Variants in RBFOX1 observed in about 807,000 individuals in gnomAD.
The protein encoded by RBFOX1 is RNA binding protein fox-1 homolog 1.
Under a neutral mutation model 57.7 loss-of-function variants are expected in RBFOX1, and 8 were observed. The ratio of observed to expected loss-of-function variants is 0.14; its 90% CI spans 0.08 to 0.25. The LOEUF is 0.25. Ranked by LOEUF, RBFOX1 falls within the 10% of genes least tolerant of loss-of-function variation. The pLI, the probability that RBFOX1 is intolerant of heterozygous loss-of-function variation, is 1.00. For synonymous variants in RBFOX1, 326 were observed against 222.4 expected (o/e 1.47, Z -4.15); for missense variants, 611 against 548.5 (o/e 1.11, Z -1.14).
chr16:6,290,870 G>A (rs1203955391), intron 1 of RBFOX1, among the ~76,000 whole-genome samples: 1 of 152,144 alleles, frequency 6.6e-6, no homozygotes, highest in East Asian at 1.9e-4. Context: ...AAAGAATTCA[G>A]GGTGAGTCTA....
intron 1 of RBFOX1, among the ~76,000 whole-genome samples, chr16:6,194,958 T>G (rs953962133): frequency 1.3e-5 from 2 of 152,326 alleles, no homozygotes; most frequent in Non-Finnish European, 2.9e-5. Context: ...CCAACCCTAT[T>G]TAACTTACTC....
intron 3 of RBFOX1, among the ~76,000 whole-genome samples, chr16:6,908,448 G>A (rs1163245713): frequency 6.6e-6 from 1 of 152,068 alleles, no homozygotes; most frequent in Non-Finnish European, 1.5e-5. Context: ...CCTCTGGTGT[G>A]ACCTCTTCTA....
chr16:7,233,660 C>T (rs921626383), intron 4 of RBFOX1, among the ~76,000 whole-genome samples: 12 of 152,194 alleles, frequency 7.9e-5, no homozygotes, highest in Non-Finnish European at 1.6e-4. Context: ...GCCCTTTCAA[C>T]AAGAAATGCG....
chr16:7,560,844 C>G (rs1485849533), intron 5 of RBFOX1, among the ~76,000 whole-genome samples: 1 of 152,194 alleles, frequency 6.6e-6, no homozygotes, highest in Non-Finnish European at 1.5e-5. Flanking sequence ...AACATTTGCT[C>G]CTGAGCTCTG....
chr16:7,675,157 C>G (rs2072888608), intron 13 of RBFOX1, among the ~76,000 whole-genome samples: 1 of 152,176 alleles, frequency 6.6e-6, no homozygotes, highest in East Asian at 1.9e-4. Flanking sequence ...TTTCTGTGAA[C>G]TTTATGAAAG....
chr16:7,248,890 A>G (rs2094409902), intron 4 of RBFOX1, among the ~76,000 whole-genome samples: 1 of 152,198 alleles, frequency 6.6e-6, no homozygotes, highest in African/African-American at 2.4e-5. Flanking sequence ...AACAAGGCAA[A>G]TGTTGCTATG....
chr16:5,379,513 C>T (rs1319361653), intron 1 of RBFOX1, among the ~76,000 whole-genome samples: 3 of 152,156 alleles, frequency 2.0e-5, no homozygotes, highest in African/African-American at 7.2e-5. Context: ...CAAGCACATG[C>T]TCTAGAAGTT....
intron 14 of RBFOX1, among the ~76,000 whole-genome samples, chr16:7,695,284 G>A (rs2078440504): frequency 6.6e-6 from 1 of 152,154 alleles, no homozygotes; most frequent in Non-Finnish European, 1.5e-5. Flanking sequence ...TTATCTCCCA[G>A]CAAGTTCACC....
intron 4 of RBFOX1, among the ~76,000 whole-genome samples, chr16:5,925,071 T>A (rs1393002369): frequency 6.6e-6 from 1 of 152,140 alleles, no homozygotes; most frequent in East Asian, 1.9e-4. Flanking sequence ...ATCCATACTT[T>A]CCCACCCTCC....
intron 4 of RBFOX1, among the ~76,000 whole-genome samples, chr16:7,444,807 C>G (rs1158953998): frequency 1.3e-5 from 2 of 152,168 alleles, no homozygotes; most frequent in Non-Finnish European, 1.5e-5. Context: ...GTTGGGGTTA[C>G]AGGCATAAGC....
chr16:7,438,980 G>A lies in RBFOX1; in HGVS notation c.28-79167G>A, dbSNP rs532933759. Among the ~76,000 whole-genome samples, 22 of 152,322 alleles carry A rather than the reference G, an allele frequency of 1.4e-4. No individual in the cohort carries two copies. The East Asian group carries it at 2.9e-3, about 20-fold the overall frequency. ...GCCCAGTGAGAAGCACCTGTATGTA[G>A]AGAATCTTTAATGAGGGCAGGTCGC... On this transcript the variant is annotated intron_variant, in intron 4 of 15. Transcript: ENST00000550418.
At chr16:5,524,490 C>G (rs8050440) in intron 2 of RBFOX1, among the ~76,000 whole-genome samples, 73,479 of 151,288 alleles carry the variant, frequency 0.49, 21,016 homozygotes, top group East Asian at 0.96. Context: ...ATATTCCTTT[C>G]GGTTTATACC....
At chr16:6,762,877 G>A (rs748609380) in intron 3 of RBFOX1, among the ~76,000 whole-genome samples, 1 of 152,152 alleles carries the variant, frequency 6.6e-6, no homozygotes, top group African/African-American at 2.4e-5. Flanking sequence ...TGCCTTGGGT[G>A]GGAGTAAGTG....
At chr16:5,416,299 A>C (rs2067158391) in intron 1 of RBFOX1, among the ~76,000 whole-genome samples, 1 of 152,240 alleles carries the variant, frequency 6.6e-6, no homozygotes, top group African/African-American at 2.4e-5. Flanking sequence ...GCCAGGACTT[A>C]CATGCACAGA....
chr16:6,585,316 G>T (rs1311574428), intron 2 of RBFOX1, among the ~76,000 whole-genome samples: 1 of 152,142 alleles, frequency 6.6e-6, no homozygotes, highest in Non-Finnish European at 1.5e-5. Flanking sequence ...ATGAAGCATT[G>T]TCATTACACA....
intron 3 of RBFOX1, among the ~76,000 whole-genome samples, chr16:5,702,834 G>T (rs1312715401): frequency 6.6e-6 from 1 of 152,164 alleles, no homozygotes; most frequent in Non-Finnish European, 1.5e-5. Context: ...AAATGCTCAT[G>T]TTTTTAGATA....
chr16:5,774,955 T>C (rs914815261), intron 3 of RBFOX1, among the ~76,000 whole-genome samples: 1 of 152,154 alleles, frequency 6.6e-6, no homozygotes, highest in Non-Finnish European at 1.5e-5. Flanking sequence ...AGTGTTGAGA[T>C]TGCAGGAATG....
chr16:6,228,025 A>C (rs1025454065), intron 1 of RBFOX1, among the ~76,000 whole-genome samples: 2 of 152,162 alleles, frequency 1.3e-5, no homozygotes, highest in Non-Finnish European at 2.9e-5. Flanking sequence ...CTAGCCAGGG[A>C]TATGGCCAGG....
chr16:6,277,823 G>A (rs2075985357), intron 1 of RBFOX1, among the ~76,000 whole-genome samples: 1 of 152,152 alleles, frequency 6.6e-6, no homozygotes, highest in Admixed American at 6.5e-5. Flanking sequence ...ACAAGATTCT[G>A]ATTGCGATTA....
Sources: gnomAD v4.1 joint callset for allele counts (sites outside exome capture counted in the v4.1 genomes callset) on GRCh38, gnomAD v4.1.1 for gene constraint, MANE v1.5 for transcripts, NCBI Gene and HGNC (gene_info 2026-07-23, HGNC 2026-07-21) for gene names.